The following LRP1B variants were observed in gnomAD, a reference collection of about 807,000 sequenced individuals.
The protein encoded by LRP1B is LDL receptor related protein 1B.
In LRP1B, 217 loss-of-function variants were observed where a neutral mutation model predicts 556.6. The observed-to-expected ratio is 0.39, with a 90% confidence interval of 0.35 to 0.44. LRP1B has a LOEUF of 0.44. Ranked by LOEUF, LRP1B falls within the 20% of genes least tolerant of loss-of-function variation. The pLI is 1.00. For missense variants in LRP1B, 5,053 were observed against 5,620.8 expected (o/e 0.90, Z 3.23); for synonymous variants, 2,047 against 1,865.8 (o/e 1.10, Z -2.50).
intron 66 of LRP1B, among the ~76,000 whole-genome samples, chr2:140,394,755 C>A (rs1684177489): frequency 6.6e-6 from 1 of 152,066 alleles, no homozygotes; most frequent in South Asian, 2.1e-4. Flanking sequence ...TAGAAACAGG[C>A]AATTAGAAGT....
chr2:141,876,971 G>T (rs1206020527), intron 1 of LRP1B, among the ~76,000 whole-genome samples: 1 of 151,774 alleles, frequency 6.6e-6, no homozygotes, highest in Non-Finnish European at 1.5e-5. Context: ...TTTTCTTTTT[G>T]CAGTTATATG....
At chr2:141,620,016 A>G (rs1688446897) in intron 2 of LRP1B, among the ~76,000 whole-genome samples, 1 of 152,178 alleles carries the variant, frequency 6.6e-6, no homozygotes, top group Admixed American at 6.5e-5. Context: ...AGCGTGGTGC[A>G]ATCATAGCTC....
chr2:140,587,190 A>G (rs1285129414), intron 43 of LRP1B, among the ~76,000 whole-genome samples: 1 of 152,108 alleles, frequency 6.6e-6, no homozygotes, highest in Non-Finnish European at 1.5e-5. Context: ...AAAGAAAGAA[A>G]ACTGAACGAA....
intron 43 of LRP1B, among the ~76,000 whole-genome samples, chr2:140,576,471 G>A (rs929892305): frequency 1.3e-5 from 2 of 152,330 alleles, no homozygotes; most frequent in African/African-American, 4.8e-5. Flanking sequence ...AGACTTGGTT[G>A]TGTATGGATT....
At chr2:142,116,284 T>C (rs187042533) in intron 1 of LRP1B, among the ~76,000 whole-genome samples, 3 of 151,262 alleles carry the variant, frequency 2.0e-5, no homozygotes, top group Non-Finnish European at 2.9e-5. Context: ...TATATTGTCA[T>C]GCATTTCCCA....
intron 1 of LRP1B, among the ~76,000 whole-genome samples, chr2:142,016,848 G>GTGTT (rs757773454): frequency 2.8e-5 from 2 of 71,722 alleles, no homozygotes; most frequent in Non-Finnish European, 7.5e-5. Context: ...ATGTATATAT[G>GTGTT]TATATATATA....
At position 140,233,279 on chromosome 2, in the gene LRP1B, C is replaced by T. The variant is rs2104870838; in HGVS notation, c.13707G>A (p.Gly4569=). 6.2e-7 allele frequency: 1 copy of T among 1,604,694 alleles called. No homozygotes were observed. Among genetic ancestry groups the T allele is most frequent in the Non-Finnish European group, 8.5e-7 (1 of 1,173,850 alleles). ...NPVYAKLYMD[G]QNCRNSLGSV... The stretch of plus-strand genomic sequence containing the variant: ...TTCCTAAGGAGTTTCGACAGTTTTG[C>T]CCATCCATATATAATTTTGCATATA... Residue 4569 remains glycine, a synonymous_variant, in exon 91 of 91, where the codon GGG becomes GGA. Transcript: ENST00000389484.
chr2:140,658,817 AT>A (rs1684981663), intron 41 of LRP1B, among the ~76,000 whole-genome samples: 1 of 152,042 alleles, frequency 6.6e-6, no homozygotes, highest in Admixed American at 6.6e-5. Context: ...TGTACTATAA[AT>A]CTACTTACAG....
intron 3 of LRP1B, among the ~76,000 whole-genome samples, chr2:141,424,959 T>G (rs1190999545): frequency 1.3e-5 from 2 of 152,050 alleles, no homozygotes; most frequent in Non-Finnish European, 2.9e-5. Flanking sequence ...AGGGTACATG[T>G]GCACAATGTG....
At chr2:141,662,374 A>G (rs1324280883) in intron 2 of LRP1B, among the ~76,000 whole-genome samples, 1 of 152,210 alleles carries the variant, frequency 6.6e-6, no homozygotes, top group African/African-American at 2.4e-5. Context: ...CAATTAAAAG[A>G]CACAGAATGA....
chr2:141,509,941 G>C (rs4008447), intron 2 of LRP1B, among the ~76,000 whole-genome samples: 2 of 152,110 alleles, frequency 1.3e-5, no homozygotes, highest in Admixed American at 6.6e-5. Flanking sequence ...GTATAACTTA[G>C]GATCAGTTTC....
intron 11 of LRP1B, among the ~76,000 whole-genome samples, chr2:141,034,944 C>A (rs1356745151): frequency 3.3e-5 from 5 of 151,974 alleles, no homozygotes; most frequent in Non-Finnish European, 5.9e-5. Flanking sequence ...ATAGCAAAGA[C>A]TTGGAACCAA....
intron 1 of LRP1B, among the ~76,000 whole-genome samples, chr2:142,129,584 T>TCTCTCTCTCTCTC (rs1707775509): frequency 1.5e-5 from 2 of 134,734 alleles, no homozygotes; most frequent in African/African-American, 5.5e-5. Flanking sequence ...CTTTCTCTCT[T>TCTCTCTCTCTCTC]TCTCTCTCTC....
intron 7 of LRP1B, among the ~76,000 whole-genome samples, chr2:141,164,077 T>A (rs1376270292): frequency 6.6e-6 from 1 of 152,018 alleles, no homozygotes; most frequent in Non-Finnish European, 1.5e-5. Context: ...GTTACATAAA[T>A]TGGATGACAG....
At chr2:141,405,680 A>G (rs973084252) in intron 3 of LRP1B, among the ~76,000 whole-genome samples, 1 of 152,110 alleles carries the variant, frequency 6.6e-6, no homozygotes, top group African/African-American at 2.4e-5. Context: ...TGCTGGTACA[A>G]TACTGCTAAT....
At position 142,092,138 on chromosome 2, in the gene LRP1B, T is replaced by A. The variant is rs888945567; in HGVS notation, c.82+38510A>T. On this transcript the variant is annotated intron_variant, in intron 1 of 90. Coordinates refer to ENST00000389484, the MANE Select transcript of LRP1B (RefSeq NM_018557.3). ...CATCCAGGTATCTTGTTTTCTATGA[T>A]AACTTAATATTTTTTCTTTGCTTAT... Among the ~76,000 whole-genome samples the A allele has an allele frequency of 2.6e-5, 4 of 152,200 alleles. No individual in the cohort carries two copies. The East Asian group carries it at 7.7e-4, about 29-fold the overall frequency.
intron 6 of LRP1B, among the ~76,000 whole-genome samples, chr2:141,228,694 G>A (rs1027449094): frequency 2.0e-5 from 3 of 152,138 alleles, no homozygotes; most frequent in African/African-American, 4.8e-5. Flanking sequence ...AGAAGTCAGA[G>A]TGAATCACAA....
intron 7 of LRP1B, among the ~76,000 whole-genome samples, chr2:141,083,289 T>C (rs930619426): frequency 4.0e-5 from 6 of 151,058 alleles, no homozygotes; most frequent in African/African-American, 1.2e-4. Flanking sequence ...AAAGAAAACA[T>C]GGAGAAGGCA....
chr2:140,256,449 C>CTTTTTTT (rs764826231), intron 86 of LRP1B, among the ~76,000 whole-genome samples: 1 of 25,330 alleles, frequency 3.9e-5, no homozygotes, highest in African/African-American at 1.3e-4. Context: ...TTTTTCCTTC[C>CTTTTTTT]TTTTTTTTTT....
Sources: gnomAD v4.1 joint callset for allele counts (sites outside exome capture counted in the v4.1 genomes callset) on GRCh38, gnomAD v4.1.1 for gene constraint, MANE v1.5 for transcripts, NCBI Gene and HGNC (gene_info 2026-07-23, HGNC 2026-07-21) for gene names.